Variants in TTC3 observed in about 807,000 individuals in gnomAD.
TTC3 encodes tetratricopeptide repeat domain 3, also known as E3 ubiquitin-protein ligase TTC3.
TTC3 carries 180 observed loss-of-function variants against 249.6 expected under a neutral mutation model. The ratio of observed to expected loss-of-function variants is 0.72; its 90% CI spans 0.64 to 0.82. The LOEUF (loss-of-function observed/expected upper bound fraction) is 0.82, where lower values mean the gene tolerates loss of function less well. TTC3 is among the 40% of genes least tolerant of loss of function. TTC3 has a pLI of 0.00. For synonymous variants in TTC3, 717 were observed against 805.0 expected (o/e 0.89, Z 1.85); for missense variants, 2,061 against 2,398.4 (o/e 0.86, Z 2.94).
At chr21:37,185,830 T>C in intron 37 of TTC3, 56 bp downstream of exon 37, 1 of 1,061,712 alleles carries the variant, frequency 9.4e-7, no homozygotes, top group East Asian at 3.1e-5. Flanking sequence ...ATGCCAGGAG[T>C]ACAAGCACAG....
chr21:37,086,787 A>G (rs1467244661), intron 1 of TTC3: 2 of 161,670 alleles, frequency 1.2e-5, no homozygotes, highest in African/African-American at 4.8e-5. Context: ...AGGTTAGGCC[A>G]GGAGATTGAG....
At position 37,131,098 on chromosome 21, in the gene TTC3, A is replaced by G. The variant is rs543447084; in HGVS notation, c.1359-1584A>G. On this transcript the variant is annotated intron_variant, in intron 16 of 45. Coordinates refer to ENST00000355666, the Ensembl canonical transcript of TTC3. ...CAGTTCCTGGTACAGAGCTCCCAAA[A>G]CCCATGGCATTTCCTGAATGATAGG... is the stretch of plus-strand genomic sequence containing the variant. Among the ~76,000 whole-genome samples the G allele has an allele frequency of 1.3e-4, 20 of 152,210 alleles. No individual in the cohort carries two copies. The East Asian group carries it at 3.9e-3, about 29-fold the overall frequency.
intron 36 of TTC3, among the ~76,000 whole-genome samples, chr21:37,183,266 A>G (rs2082922076): frequency 6.6e-6 from 1 of 152,194 alleles, no homozygotes; most frequent in Non-Finnish European, 1.5e-5. Flanking sequence ...GGTTCTTTTC[A>G]AAAGTAAGAT....
In TTC3 at chr21:37,167,627, C is replaced by A; in HGVS notation, c.4467+7C>A. ...TCCTTTTGAGGAACGACAAGTGAGT[C>A]AAAATTACATTAAACTGTTTAAAGG... On this transcript the variant is annotated splice_region_variant and intron_variant, in intron 34 of 45. Coordinates refer to ENST00000355666, the Ensembl canonical transcript of TTC3. 1.9e-6 allele frequency: 3 copies of A among 1,603,196 alleles called. No individual in the cohort carries two copies. The South Asian group carries it at 3.3e-5, about 18-fold the overall frequency.
intron 1 of TTC3, among the ~76,000 whole-genome samples, chr21:37,074,183 C>T (rs1032003005): frequency 9.9e-5 from 15 of 152,224 alleles, no homozygotes; most frequent in Admixed American, 4.6e-4. Flanking sequence ...CCTCGCCGCT[C>T]CCCTCGCCCC....
At chr21:37,082,928 A>G (rs2071901502) in intron 1 of TTC3, 2 of 981,238 alleles carry the variant, frequency 2.0e-6, no homozygotes, top group Admixed American at 1.2e-4. Flanking sequence ...GTTTACATCT[A>G]AGTTAAGATT....
chr21:37,144,251 T>A (rs541838753), intron 20 of TTC3, among the ~76,000 whole-genome samples: 46 of 151,598 alleles, frequency 3.0e-4, no homozygotes, highest in Middle Eastern at 3.4e-3. Flanking sequence ...ATAAAAAAAA[T>A]ATATATATAT....
chr21:37,147,402 A>G (rs2079072971), intron 21 of TTC3, 79 bp from the exon 22 acceptor site: 1 of 1,326,202 alleles, frequency 7.5e-7, no homozygotes, highest in East Asian at 2.6e-5. Flanking sequence ...TTTTGATGGC[A>G]AGAGGTTATT....
At chr21:37,140,538 C>G in intron 19 of TTC3, 23 bp from the exon 20 acceptor site, 1 of 1,445,570 alleles carries the variant, frequency 6.9e-7, no homozygotes, top group Non-Finnish European at 9.3e-7. Flanking sequence ...TGTAAGTGAT[C>G]ATTGTTTTCA....
intron 10 of TTC3, among the ~76,000 whole-genome samples, chr21:37,097,196 T>C (rs2074027401): frequency 6.6e-6 from 1 of 152,166 alleles, no homozygotes; most frequent in South Asian, 2.1e-4. Context: ...CAGTTCCTTA[T>C]ATTGAATTTG....
chr21:37,132,888 G>A (rs1053436475), intron 17 of TTC3, 122 bp downstream of exon 17: 3 of 663,818 alleles, frequency 4.5e-6, no homozygotes, highest in Non-Finnish European at 6.9e-6. Flanking sequence ...GTATTATATT[G>A]TAGTTTTGTA....
chr21:37,107,997 AT>A (rs1405667743), intron 10 of TTC3: 1 of 157,170 alleles, frequency 6.4e-6, no homozygotes, highest in Non-Finnish European at 1.4e-5. Flanking sequence ...AGGCAGGAGA[AT>A]CACTTGAACC....
chr21:37,136,467 G>C (rs939675233), intron 18 of TTC3, among the ~76,000 whole-genome samples: 2 of 152,190 alleles, frequency 1.3e-5, no homozygotes, highest in Non-Finnish European at 2.9e-5. Context: ...GAGTCTTAGT[G>C]GTCTGGGTAG....
At chr21:37,073,556 A>G in intron 1 of TTC3, 83 bp downstream of exon 1, 2 of 957,380 alleles carry the variant, frequency 2.1e-6, no homozygotes, top group Non-Finnish European at 2.5e-6. Context: ...CCGCGCGATG[A>G]GGGGGTGTGG....
rs578163246 is a variant in TTC3 at position 37,193,689 on chromosome 21, G to A, written c.5217+1476G>A. ...TAATAAGTGTGCCTAAAAATTATTT[G>A]TATCTCATTTCTCCCTCATTCATTC... On this transcript the variant is annotated intron_variant, in intron 41 of 45. Transcript: ENST00000355666. The A allele has an allele frequency of 1.4e-4, 22 of 152,254 alleles. No individual in the cohort carries two copies. In the South Asian group the frequency reaches 4.6e-3, roughly 32 times the overall value. The allele number at this position is 152,254 out of a possible 1,614,324, so 9.4% of individuals were successfully genotyped here.
At position 37,138,627 on chromosome 21, in the gene TTC3, T is replaced by A. The variant is rs188708207; in HGVS notation, c.1579-7T>A. The A allele has an allele frequency of 3.5e-5, 57 of 1,609,024 alleles. No individual in the cohort carries two copies. The highest frequency in any genetic ancestry group is 1.7e-4 in the Middle Eastern group (1 of 6,040). On this transcript the variant is annotated splice_region_variant and splice_polypyrimidine_tract_variant and intron_variant, in intron 18 of 45. Coordinates refer to ENST00000355666, the Ensembl canonical transcript of TTC3. ...CAGATTTTTAACTGAGGCATTTTTA[T>A]TGACAGCAATTGAACCTGGCCATGA...
At position 37,189,256 on chromosome 21, in the gene TTC3, GT is replaced by G. The variant is rs527450839; in HGVS notation, c.5024+668del. Reference sequence around the variant, plus strand: ...ACATAATCTCTACCTGTTTTTGTTTGTTTTTTTGCGACAGAGTCTCGCTCTG... The same window carrying G: ...ACATAATCTCTACCTGTTTTTGTTTGTTTTTTGCGACAGAGTCTCGCTCTG... On this transcript the variant is annotated intron_variant, in intron 39 of 45. Coordinates refer to ENST00000355666, the Ensembl canonical transcript of TTC3. Among the ~76,000 whole-genome samples, 367 of 152,058 alleles carry G rather than the reference GT, an allele frequency of 2.4e-3. 1 individual carries two copies. The highest frequency in any genetic ancestry group is 4.1e-3 in the Non-Finnish European group (281 of 67,968).
intron 10 of TTC3, among the ~76,000 whole-genome samples, chr21:37,107,534 T>G (rs748309946): frequency 5.9e-5 from 9 of 152,218 alleles, no homozygotes; most frequent in Non-Finnish European, 1.0e-4. Flanking sequence ...ATGTAGTATC[T>G]AATTTAATAT....
At chr21:37,075,318 AC>A (rs2070697181) in intron 1 of TTC3, among the ~76,000 whole-genome samples, 1 of 152,184 alleles carries the variant, frequency 6.6e-6, no homozygotes, top group African/African-American at 2.4e-5. Flanking sequence ...CTGTTGATAG[AC>A]TTTGAACTTG....
Sources: allele counts gnomAD v4.1 joint callset (sites outside exome capture counted in the v4.1 genomes callset), GRCh38; gene constraint gnomAD v4.1.1; transcripts MANE v1.5; gene names NCBI Gene and HGNC (gene_info 2026-07-23, HGNC 2026-07-21).